Variants in CLUH observed in about 807,000 individuals in gnomAD.
CLUH encodes the protein clustered mitochondria protein homolog.
A neutral mutation model predicts 139.3 loss-of-function variants in CLUH; 77 were observed. The observed-to-expected ratio is 0.55, with a 90% CI of 0.46 to 0.67. The LOEUF (loss-of-function observed/expected upper bound fraction) is 0.67. CLUH is among the 30% of genes least tolerant of loss of function. CLUH has a pLI of 0.00. For synonymous variants in CLUH, 999 were observed against 801.6 expected (o/e 1.25, Z -4.16); for missense variants, 1,876 against 1,875.8 (o/e 1.00, Z 0.00).
chr17:2,691,769 G>A lies in CLUH; in HGVS notation c.3781C>T (p.Pro1261Ser), dbSNP rs370083702. The A allele has an allele frequency of 4.2e-5, 67 of 1,595,408 alleles. No homozygotes were observed. Among genetic ancestry groups the A allele is most frequent in the Non-Finnish European group, 5.5e-5 (64 of 1,171,684 alleles). Residue 1261 changes from proline (P) to serine (S), a missense_variant, in exon 24 of 26, where the codon CCC (proline) becomes TCC (serine). By Grantham distance (74) the Pro-to-Ser change is moderately conservative. This residue lies in a region of CLUH where 1,454 missense variants were observed against 1,384.4 expected (regional missense o/e 1.05). Transcript: ENST00000651024. ...YRNGSSANIP[P>S]LKFTAPSMAS... ...CTCCGCCCCGGACTCACCTTGAGGG[G>A]CGGGATGTTGGCGCTGGAGCCGTTG...
chr17:2,703,435 C>T lies in CLUH; in HGVS notation c.358G>A (p.Asp120Asn). ...EIHQVLMDRE[D>N]TCHRTCFSLH... The stretch of plus-strand genomic sequence containing the variant: ...GAGAAGCAGGTGCGGTGACACGTGT[C>T]CTCCCGGTCCATGAGCACCTGGTGA... Residue 120 changes from aspartate (D) to asparagine (N), a missense_variant, in exon 3 of 26, where the codon GAC becomes AAC. Transcript: ENST00000651024. This position sits in a 1 kb window ranked among gnomAD's most constrained non-coding sequence, Gnocchi z 4.2. 1 of 1,613,736 alleles carries T rather than the reference C, an allele frequency of 6.2e-7. No homozygotes were observed. The highest frequency in any genetic ancestry group is 8.5e-7 in the Non-Finnish European group (1 of 1,179,864).
rs2302199 is a variant in CLUH at position 2,692,670 on chromosome 17, G to A, written c.3339C>T (p.Ala1113=). The stretch of plus-strand genomic sequence containing the variant: ...TCAGGGCGGTGGACAGCTGGCTGCT[G>A]GCGAAGCAGTACAGGGCCAGGTGCA... ...EYMHLALYCF[A]SSQLSTALSL... is the part of the protein sequence containing the mutation. The change falls in exon 21 of 26, where the codon GCC becomes GCT. Residue 1113 remains alanine, a synonymous_variant. Coordinates refer to ENST00000651024, the MANE Select transcript of CLUH (RefSeq NM_001366661.1). 0.39 allele frequency: 628,896 copies of A among 1,611,100 alleles called. 124,750 individuals carry two copies. Among genetic ancestry groups the A allele is most frequent in the East Asian group, 0.53 (23,807 of 44,784 alleles).
intron 16 of CLUH, 35 bp downstream of exon 16, chr17:2,694,822 T>TCCCCCCCCCCCCACCCCCCCAGCCC: frequency 7.4e-7 from 1 of 1,346,338 alleles, no homozygotes; most frequent in South Asian, 1.5e-5. Context: ...ATCTGCCCAA[T>TCCCCCCCCCCCCACCCCCCCAGCCC]CCCACCCACC....
At chr17:2,696,379 C>T in intron 12 of CLUH, 55 bp downstream of exon 12, 2 of 1,524,514 alleles carry the variant, frequency 1.3e-6, no homozygotes, top group Non-Finnish European at 1.8e-6. Flanking sequence ...CCCAGGCCCC[C>T]CAGCGAAGCT....
rs1229439836 is a variant in CLUH at position 2,706,949 on chromosome 17, C to T, written c.101-2385G>A. ...GACAAGGCAAGGTGGCCGCGGCTCC[C>T]ACTCTCCTTCCCCAGCCCAGGGAGA... On this transcript the variant is annotated intron_variant, in intron 1 of 25. Transcript: ENST00000651024. This position sits in a 1 kb window ranked among gnomAD's most constrained non-coding sequence, Gnocchi z 4.6. Among the ~76,000 whole-genome samples, 1 of 152,218 alleles carries T rather than the reference C, an allele frequency of 6.6e-6. No homozygotes were observed. The highest frequency in any genetic ancestry group is 1.5e-5 in the Non-Finnish European group (1 of 68,048).
In CLUH at chr17:2,696,853, CCA is replaced by C. The variant is rs766254924; in HGVS notation, c.2049_2050del (p.Gly684SerfsTer9). On this transcript the variant is annotated frameshift_variant, in exon 11 of 26. Transcript: ENST00000651024. LOFTEE classifies it high-confidence loss of function. ...AGACTTGGACTCCAAGGAGGAAGGACCACCATTTTCCAGGGAGGAGGGGGTCT... is the reference window on the plus strand; with the variant it reads ...AGACTTGGACTCCAAGGAGGAAGGACCCATTTTCCAGGGAGGAGGGGGTCT... The C allele has an allele frequency of 1.2e-5, 19 of 1,613,550 alleles. No individual in the cohort carries two copies. The African/African-American group carries it at 2.0e-4, about 17-fold the overall frequency.
intron 13 of CLUH, 181 bp from the exon 14 acceptor site, chr17:2,695,707 C>T (rs2069914114): frequency 2.5e-6 from 2 of 805,294 alleles, no homozygotes; most frequent in Non-Finnish European, 3.8e-6. Flanking sequence ...GAACCAAGAG[C>T]CCGGTGGTGG....
rs1370699483 is a variant in CLUH, at chr17:2,698,045, C to T, written c.1812G>A (p.Leu604=). The T allele has an allele frequency of 6.2e-7, 1 of 1,606,214 alleles. No homozygotes were observed. Among genetic ancestry groups the T allele is most frequent in the Non-Finnish European group, 8.5e-7 (1 of 1,179,008 alleles). Residue 604 remains leucine (L), a synonymous_variant, in exon 10 of 26, where the codon CTG becomes CTA. Coordinates refer to ENST00000651024, the MANE Select transcript of CLUH (RefSeq NM_001366661.1). ...GNDGRHYILD[L]LRTFPPDLNF... Reference sequence around the variant, plus strand: ...TGAGGTCCGGGGGGAAGGTGCGCAGCAGGTCGAGGATGTAGTGGCGCCCGT... The same window carrying T: ...TGAGGTCCGGGGGGAAGGTGCGCAGTAGGTCGAGGATGTAGTGGCGCCCGT...
chr17:2,695,815 G>C lies in CLUH; in HGVS notation c.2392-289C>G. The stretch of plus-strand genomic sequence containing the variant: ...TGTCCTGAGGCTTGGAGGCCACGGT[G>C]TTGGGGGAGCACCCAGCATCCTGGA... On this transcript the variant is annotated intron_variant, in intron 13 of 25. Transcript: ENST00000651024. 4 of 581,978 alleles carry C rather than the reference G, an allele frequency of 6.9e-6. No individual in the cohort carries two copies. The South Asian group carries it at 8.6e-5, about 12-fold the overall frequency. 36.1% of individuals were successfully genotyped at this position (581,978 alleles called of 1,614,324 possible). A position where few individuals can be genotyped will look rare whatever the true frequency, so the allele number is the denominator to read the frequency against.
At chr17:2,702,390 G>A (rs1174525561) in intron 3 of CLUH, among the ~76,000 whole-genome samples, 2 of 152,220 alleles carry the variant, frequency 1.3e-5, no homozygotes, top group Admixed American at 6.5e-5. Context: ...GGCTTTTGGA[G>A]CTGTGGGACT....
chr17:2,692,924 G>A, intron 19 of CLUH, 64 bp from the exon 20 acceptor site: 2 of 1,471,698 alleles, frequency 1.4e-6, no homozygotes, highest in Non-Finnish European at 1.8e-6. Context: ...AGCCCGCCTG[G>A]CCCCGGCCCA....
intron 19 of CLUH, among the ~76,000 whole-genome samples, chr17:2,693,139 T>TAAAAAAAAAAAA (rs1475140289): frequency 8.7e-4 from 2 of 2,294 alleles, no homozygotes; most frequent in South Asian, 0.016. Context: ...CTAAAAATGT[T>TAAAAAAAAAAAA]ACAAAAAAAA....
intron 16 of CLUH, 36 bp downstream of exon 16, chr17:2,694,821 A>AAAC: frequency 2.8e-5 from 40 of 1,446,298 alleles, no homozygotes; most frequent in Non-Finnish European, 3.1e-5. Context: ...CATCTGCCCA[A>AAAC]TCCCACCCAC....
chr17:2,695,964 C>T (rs879503202), intron 13 of CLUH, 195 bp downstream of exon 13: 18 of 599,046 alleles, frequency 3.0e-5, no homozygotes, highest in East Asian at 1.4e-4. Context: ...CCAGCCCACA[C>T]GGTGGGCTCA....
In CLUH at chr17:2,701,735, T is replaced by C; in HGVS notation, c.622A>G (p.Ser208Gly). 6.4e-7 allele frequency: 1 copy of C among 1,562,754 alleles called. No homozygotes were observed. Among genetic ancestry groups the C allele is most frequent in the Non-Finnish European group, 8.7e-7 (1 of 1,154,266 alleles). ...TCCAAGCCCTTCTTCCGCTTCCCGC[T>C]GTCTGAGGGACCCGAGGCTGGTGGT... ...SVFTDGDLGD[S>G]GKRKKGLEMD... is the part of the protein sequence containing the mutation. Residue 208 changes from serine (S) to glycine (G), a missense_variant and splice_region_variant, in exon 5 of 26, where the codon AGC becomes GGC. By Grantham distance (56) the Ser-to-Gly change is moderately conservative (BLOSUM62 0). Transcript: ENST00000651024.
rs758738668 is a variant in CLUH, at chr17:2,692,883, G to C, written c.3232-23C>G. 5.8e-6 allele frequency: 9 copies of C among 1,553,574 alleles called. No individual in the cohort carries two copies. The South Asian group carries it at 1.1e-4, about 19-fold the overall frequency. On this transcript the variant is annotated intron_variant, in intron 19 of 25. Transcript: ENST00000651024. ...GGCCTGGGGAGAGACAGTGGTGGTT[G>C]CCGCGGCGTGGGAACCCCCACTGCA...
chr17:2,695,591 G>A (rs542958860), intron 13 of CLUH, 65 bp from the exon 14 acceptor site: 10 of 1,494,798 alleles, frequency 6.7e-6, no homozygotes, highest in Admixed American at 4.3e-5. Context: ...GAGTCCTTCT[G>A]GGGGAGCACA....
chr17:2,697,694 C>G (rs1460081519), intron 10 of CLUH, among the ~76,000 whole-genome samples: 1 of 152,200 alleles, frequency 6.6e-6, no homozygotes, highest in Admixed American at 6.5e-5. Context: ...CCTGGCTGCT[C>G]GCGAGTCTGC....
chr17:2,711,969 C>G (rs2070535380), upstream of CLUH: 1 of 152,312 alleles, frequency 6.6e-6, no homozygotes, highest in Non-Finnish European at 1.5e-5. Context: ...CCTCGCGGGG[C>G]GGGGCCTCGG....
Sources: gnomAD v4.1 joint callset for allele counts (sites outside exome capture counted in the v4.1 genomes callset) on GRCh38, gnomAD v4.1.1 for gene constraint, gnomAD v4.1.1 regional missense constraint, Gnocchi (gnomAD v3.1) non-coding constraint, MANE v1.5 for transcripts, NCBI Gene and HGNC (gene_info 2026-07-23, HGNC 2026-07-21) for gene names.